TRPM2: variants seen among roughly 807,000 people sequenced by gnomAD.
TRPM2 encodes estrogen-responsive element-associated gene 1 protein.
TRPM2 carries 161 observed loss-of-function variants against 174.0 expected under a neutral mutation model. The observed-to-expected ratio is 0.93, with a 90% CI of 0.81 to 1.05. TRPM2 has a LOEUF of 1.05. Among genes scored for constraint, TRPM2 ranks in the 50% least tolerant of loss-of-function variants. TRPM2 has a pLI of 0.00. For synonymous variants in TRPM2, 954 were observed against 861.3 expected, an observed-to-expected ratio of 1.11 and a Z score of -1.88; for missense variants, 2,057 against 2,038.0, an observed-to-expected ratio of 1.01 and a Z score of -0.18.
chr21:44,402,300 C>T (rs1458410020), intron 16 of TRPM2, among the ~76,000 whole-genome samples: 1 of 152,140 alleles, frequency 6.6e-6, no homozygotes, highest in East Asian at 1.9e-4. Flanking sequence ...TGGCAATGCT[C>T]ACTTATGGTT....
chr21:44,435,074 C>A, intron 27 of TRPM2, 57 bp from the exon 28 acceptor site: 1 of 1,560,704 alleles, frequency 6.4e-7, no homozygotes, highest in Non-Finnish European at 8.8e-7. Context: ...CCCTCCCTGC[C>A]CTGTCCTGCT....
intron 22 of TRPM2, among the ~76,000 whole-genome samples, chr21:44,419,566 G>T (rs1303313236): frequency 6.7e-6 from 1 of 148,226 alleles, no homozygotes; most frequent in East Asian, 2.0e-4. Context: ...TGGTGATGGT[G>T]GTGGTGGTGA....
rs980361777 is a variant in TRPM2 at position 44,441,960 on chromosome 21, C to T, written c.*143C>T. 8.1e-7 allele frequency: 1 copy of T among 1,238,730 alleles called. No individual in the cohort carries two copies. The highest frequency in any genetic ancestry group is 3.3e-5 in the Admixed American group (1 of 30,698). The allele number at this position is 1,238,730 out of a possible 1,614,324, so 76.7% of individuals were successfully genotyped here. On this transcript the variant is annotated 3_prime_UTR_variant, in exon 32 of 32. Coordinates refer to ENST00000397928, the MANE Select transcript of TRPM2 (RefSeq NM_003307.4). ...TTGGTGGACCCAGTGCCCCTCACGG[C>T]TGCCGCAAGTCTGCTGCAGATGACC...
chr21:44,440,331 T>C (rs547168694), intron 30 of TRPM2, among the ~76,000 whole-genome samples: 59 of 14,392 alleles, frequency 4.1e-3, no homozygotes, highest in African/African-American at 0.02. Context: ...AAAAAAAAAG[T>C]GATCAATGCC....
Position 44,376,106 on chromosome 21 carries a change from C to A in TRPM2, c.952+93C>A. On this transcript the variant is annotated intron_variant, in intron 6 of 31. Transcript: ENST00000397928. The surrounding 1 kb of genome is among the most constrained non-coding windows in gnomAD (Gnocchi z 4.2). ...AGCTGGTCACGACCAGGACGTTCAA[C>A]AGGCCTGGCGTTTGGCAGAGAGTGC... 1.4e-6 allele frequency: 2 copies of A among 1,460,310 alleles called. No homozygotes were observed. Among genetic ancestry groups the A allele is most frequent in the South Asian group, 1.3e-5 (1 of 76,718 alleles). The allele number at this position is 1,460,310 out of a possible 1,614,324, so 90.5% of individuals were successfully genotyped here.
chr21:44,418,319 C>A (rs1345002931), intron 21 of TRPM2, 104 bp from the exon 22 acceptor site: 6 of 1,498,332 alleles, frequency 4.0e-6, no homozygotes, highest in Non-Finnish European at 5.4e-6. Context: ...CTTCCTGCCA[C>A]TCAGGACTGG....
At chr21:44,383,963 A>G (rs959757263) in intron 9 of TRPM2, among the ~76,000 whole-genome samples, 13 of 152,198 alleles carry the variant, frequency 8.5e-5, no homozygotes, top group Non-Finnish European at 1.8e-4. Context: ...AATAAGAACA[A>G]ATGAAATCCA....
chr21:44,426,177 C>T (rs552537528), intron 25 of TRPM2, among the ~76,000 whole-genome samples: 4 of 146,626 alleles, frequency 2.7e-5, no homozygotes, highest in African/African-American at 1.0e-4. Context: ...CGGTGAATGG[C>T]TCTGGCCCCT....
intron 5 of TRPM2, among the ~76,000 whole-genome samples, chr21:44,374,704 G>C (rs370304329): frequency 6.6e-6 from 1 of 152,144 alleles, no homozygotes; most frequent in African/African-American, 2.4e-5. Flanking sequence ...GGATCTGACA[G>C]GAGGTGGAGC....
chr21:44,428,494 TC>T (rs1393868730), intron 27 of TRPM2, among the ~76,000 whole-genome samples: 4 of 140,960 alleles, frequency 2.8e-5, no homozygotes, highest in East Asian at 2.2e-4. Context: ...GTGTGGCTCC[TC>T]CCCTGAGGTG....
At chr21:44,368,208 C>G (rs943746931) in intron 4 of TRPM2, among the ~76,000 whole-genome samples, 1 of 152,210 alleles carries the variant, frequency 6.6e-6, no homozygotes, top group Non-Finnish European at 1.5e-5. Context: ...CAGCCTCGAC[C>G]TCTTGGGCTC....
chr21:44,400,268 A>G lies in TRPM2; in HGVS notation c.2218A>G (p.Thr740Ala), dbSNP rs1186607907. ...VSHGGIQAFLTKVWWGQLSVD... is the reference protein window; with the variant it reads ...VSHGGIQAFLAKVWWGQLSVD... The stretch of plus-strand genomic sequence containing the variant: ...CTGCCCCCATCCGCAGGCCTTCCTG[A>G]CCAAGGTGTGGTGGGGCCAGCTCTC... Residue 740 changes from threonine (T) to alanine (A), a missense_variant, in exon 15 of 32, where the codon ACC becomes GCC. By Grantham distance (58) the Thr-to-Ala change is moderately conservative (BLOSUM62 0). Coordinates refer to ENST00000397928, the MANE Select transcript of TRPM2 (RefSeq NM_003307.4). The G allele has an allele frequency of 6.2e-7, 1 of 1,612,224 alleles. No individual in the cohort carries two copies. The highest frequency in any genetic ancestry group is 1.1e-5 in the South Asian group (1 of 90,978).
intron 13 of TRPM2, 53 bp downstream of exon 13, chr21:44,397,929 C>T: frequency 6.6e-7 from 1 of 1,509,084 alleles, no homozygotes; most frequent in Non-Finnish European, 8.9e-7. Flanking sequence ...TGCATGCCCT[C>T]ACCTGGAGTT....
At chr21:44,390,759 G>A in intron 9 of TRPM2, 145 bp from the exon 10 acceptor site, 2 of 1,031,096 alleles carry the variant, frequency 1.9e-6, no homozygotes, top group Admixed American at 4.1e-5. Flanking sequence ...GTGTATGGGA[G>A]GAGGTCACTG....
At chr21:44,365,038 G>T (rs962033034) in intron 3 of TRPM2, among the ~76,000 whole-genome samples, 1 of 151,488 alleles carries the variant, frequency 6.6e-6, no homozygotes, top group Non-Finnish European at 1.5e-5. Flanking sequence ...TGAGACTCGC[G>T]TGTTGACCAG....
At chr21:44,400,435 G>A in intron 15 of TRPM2, 64 bp downstream of exon 15, 2 of 1,423,464 alleles carry the variant, frequency 1.4e-6, no homozygotes, top group African/African-American at 1.4e-5. Flanking sequence ...GGCTCCTGGG[G>A]GCTCAGGATC....
intron 24 of TRPM2, chr21:44,425,379 A>T (rs558105051): frequency 2.4e-6 from 1 of 423,022 alleles, no homozygotes; most frequent in Non-Finnish European, 4.2e-6. Flanking sequence ...CTCAAGGAGC[A>T]TATTTGCCCT....
intron 19 of TRPM2, among the ~76,000 whole-genome samples, chr21:44,407,131 A>ATTCCTCCCTTCCTCCCTCCCTCCC (rs1555897602): frequency 2.2e-3 from 13 of 5,828 alleles, no homozygotes; most frequent in South Asian, 6.3e-3. Context: ...GAAATAATTC[A>ATTCCTCCCTTCCTCCCTCCCTCCC]TTCCTCCCTT....
intron 27 of TRPM2, 38 bp downstream of exon 27, chr21:44,427,149 T>C: frequency 4.0e-6 from 6 of 1,511,792 alleles, no homozygotes; most frequent in Non-Finnish European, 5.4e-6. Flanking sequence ...CCGTCAGCCT[T>C]TGGGGTTTGC....
Sources: allele counts gnomAD v4.1 joint callset (sites outside exome capture counted in the v4.1 genomes callset), GRCh38; gene constraint gnomAD v4.1.1; non-coding constraint Gnocchi (gnomAD v3.1); transcripts MANE v1.5; gene names NCBI Gene and HGNC (gene_info 2026-07-23, HGNC 2026-07-21).